Variants in ACSS3 observed in about 807,000 individuals in gnomAD.
ACSS3 encodes the protein acyl-CoA synthetase short chain family member 3, also known as acyl-CoA synthetase short-chain family member 3, mitochondrial.
Under a neutral mutation model 84.2 loss-of-function variants are expected in ACSS3, and 64 were observed. That is an observed-to-expected ratio of 0.76 (90% CI 0.62 to 0.94). The LOEUF (loss-of-function observed/expected upper bound fraction) is 0.94, where lower values mean the gene tolerates loss of function less well. Ranked by LOEUF, ACSS3 falls within the 40% of genes least tolerant of loss-of-function variation. The probability of loss-of-function intolerance (pLI) is 0.00; values close to 1 mark genes in which losing one functional copy is unlikely to be tolerated. For missense variants in ACSS3, 815 were observed against 867.6 expected (o/e 0.94, Z 0.76); for synonymous variants, 317 against 310.1 (o/e 1.02, Z -0.23).
intron 2 of ACSS3, among the ~76,000 whole-genome samples, chr12:81,132,498 G>A (rs868131231): frequency 1.3e-4 from 19 of 151,814 alleles, no homozygotes; most frequent in Middle Eastern, 3.4e-3. Context: ...TTTTTATTGC[G>A]TCTATTTGAT....
At chr12:81,209,297 A>G (rs1404868142) in intron 9 of ACSS3, among the ~76,000 whole-genome samples, 2 of 151,818 alleles carry the variant, frequency 1.3e-5, no homozygotes, top group Non-Finnish European at 1.5e-5. Context: ...TGTTAACTAC[A>G]TGCACTTTTT....
chr12:81,238,276 GT>G (rs56922210), intron 13 of ACSS3, among the ~76,000 whole-genome samples: 27,712 of 151,274 alleles, frequency 0.18, 2,683 homozygotes, highest in Non-Finnish European at 0.22. Context: ...TCTGTCAATA[GT>G]TTTTTTTAAT....
chr12:81,157,546 C>A (rs528825652), intron 7 of ACSS3, among the ~76,000 whole-genome samples: 11 of 152,278 alleles, frequency 7.2e-5, no homozygotes, highest in African/African-American at 2.4e-4. Context: ...CGGTGGCTCA[C>A]GCCTGTAATC....
At chr12:81,149,033 C>T (rs191324355) in intron 5 of ACSS3, among the ~76,000 whole-genome samples, 317 of 151,632 alleles carry the variant, frequency 2.1e-3, no homozygotes, top group African/African-American at 7.3e-3. Context: ...TGAGCAAGAT[C>T]GTGCCACTGC....
chr12:81,137,577 G>A (rs1022980179), intron 3 of ACSS3, among the ~76,000 whole-genome samples: 1 of 152,136 alleles, frequency 6.6e-6, no homozygotes, highest in Non-Finnish European at 1.5e-5. Context: ...GAAGAAGATG[G>A]AAAGGATGTA....
intron 13 of ACSS3, among the ~76,000 whole-genome samples, 181 bp downstream of exon 13, chr12:81,233,652 C>G (rs972146295): frequency 6.6e-6 from 1 of 151,640 alleles, no homozygotes; most frequent in South Asian, 2.1e-4. Context: ...TCCCTACACT[C>G]CCACATCCCT....
intron 10 of ACSS3, among the ~76,000 whole-genome samples, chr12:81,219,411 A>C (rs1011472514): frequency 6.6e-6 from 1 of 152,154 alleles, no homozygotes; most frequent in Non-Finnish European, 1.5e-5. Context: ...TAAAGCCTAA[A>C]AGATGATGAC....
rs947067113 is a variant in ACSS3 at position 81,101,291 on chromosome 12, T to C, written c.312-8269T>C. ...CAGTTAAACCAAAAGCTAAGCAAGC[T>C]AGACCATTAAAATTTATATTTTTTA... On this transcript the variant is annotated intron_variant, in intron 1 of 15. Coordinates refer to ENST00000548058, the MANE Select transcript of ACSS3 (RefSeq NM_024560.4). Among the ~76,000 whole-genome samples the C allele has an allele frequency of 9.8e-5, 15 of 152,302 alleles. No homozygotes were observed. The East Asian group carries it at 2.9e-3, about 29-fold the overall frequency.
chr12:81,224,197 A>G (rs1238774075), intron 11 of ACSS3, among the ~76,000 whole-genome samples: 3 of 151,992 alleles, frequency 2.0e-5, no homozygotes, highest in Non-Finnish European at 4.4e-5. Context: ...AAGGATGAGT[A>G]TAGGTATTAA....
In ACSS3 at chr12:81,220,017, G is replaced by A. The variant is rs989417666; in HGVS notation, c.1455G>A (p.Met485Ile). ...TATTTATATTTTACTTTGTAGTTATGATTTTGGATGACAACATGCAAAAAC... is the reference window on the plus strand; with the variant it reads ...TATTTATATTTTACTTTGTAGTTATAATTTTGGATGACAACATGCAAAAAC... ...AGKSVPGYNV[M>I]ILDDNMQKLK... The change falls in exon 11 of 16, where the codon ATG becomes ATA. Residue 485 changes from methionine (M) to isoleucine (I), a missense_variant. By Grantham distance (10) the Met-to-Ile change is conservative. Transcript: ENST00000548058. The A allele has an allele frequency of 5.9e-6, 9 of 1,529,660 alleles. No individual in the cohort carries two copies. Among genetic ancestry groups the A allele is most frequent in the Non-Finnish European group, 7.9e-6 (9 of 1,137,254 alleles). The allele number at this position is 1,529,660 out of a possible 1,614,324, so 94.8% of individuals were successfully genotyped here. A position where few individuals can be genotyped will look rare whatever the true frequency, so the allele number is the denominator to read the frequency against.
chr12:81,151,437 G>T (rs1040693548), intron 5 of ACSS3, among the ~76,000 whole-genome samples: 1 of 152,086 alleles, frequency 6.6e-6, no homozygotes, highest in African/African-American at 2.4e-5. Flanking sequence ...AGAAATAGAG[G>T]TCCTTATGTT....
chr12:81,213,851 C>CTCTCCTCTCTTCTCT (rs796395158), intron 9 of ACSS3, among the ~76,000 whole-genome samples: 15 of 60,810 alleles, frequency 2.5e-4, no homozygotes, highest in African/African-American at 8.8e-4. Context: ...CTCTCCTCTC[C>CTCTCCTCTCTTCTCT]TCTCTTCTCT....
intron 5 of ACSS3, 180 bp downstream of exon 5, chr12:81,143,427 A>C (rs1886187339): frequency 2.3e-6 from 1 of 444,292 alleles, no homozygotes; most frequent in Admixed American, 4.2e-5. Context: ...CTCACCTGAC[A>C]CAGTTACTCC....
In ACSS3 at chr12:81,259,921, T is replaced by G; in HGVS notation, c.*4999T>G. 6.1e-6 allele frequency: 2 copies of G among 325,582 alleles called. No homozygotes were observed. The highest frequency in any genetic ancestry group is 1.1e-5 in the Non-Finnish European group (2 of 179,722). The allele number at this position is 325,582 out of a possible 1,614,324, so 20.2% of individuals were successfully genotyped here. Reference sequence around the variant, plus strand: ...TGGCAGTAATGTAAACAAAGGTAGTTATGCAAAATGTTAGCATGCCTTCTG... The same window carrying G: ...TGGCAGTAATGTAAACAAAGGTAGTGATGCAAAATGTTAGCATGCCTTCTG... On this transcript the variant is annotated 3_prime_UTR_variant, in exon 16 of 16. Coordinates refer to ENST00000548058, the MANE Select transcript of ACSS3 (RefSeq NM_024560.4).
At chr12:81,236,502 A>G (rs528015763) in intron 13 of ACSS3, among the ~76,000 whole-genome samples, 1 of 151,170 alleles carries the variant, frequency 6.6e-6, no homozygotes, top group African/African-American at 2.4e-5. Flanking sequence ...ATCTATCTGT[A>G]TTATGTTTCA....
chr12:81,108,597 A>T (rs796608390), intron 1 of ACSS3, among the ~76,000 whole-genome samples: 2 of 152,072 alleles, frequency 1.3e-5, no homozygotes, highest in African/African-American at 2.4e-5. Flanking sequence ...TGATTTTTTA[A>T]TGCTGCCACT....
At chr12:81,160,724 T>A (rs757202044) in intron 7 of ACSS3, among the ~76,000 whole-genome samples, 1 of 152,214 alleles carries the variant, frequency 6.6e-6, no homozygotes, top group Non-Finnish European at 1.5e-5. Flanking sequence ...CTTTTCATAG[T>A]TAGGGAATGC....
chr12:81,084,177 G>A (rs916395182), intron 1 of ACSS3, among the ~76,000 whole-genome samples: 20 of 152,094 alleles, frequency 1.3e-4, no homozygotes, highest in Admixed American at 6.5e-5. Flanking sequence ...GCAGTGCCTC[G>A]TAAGGCAGTA....
intron 10 of ACSS3, 21 bp from the exon 11 acceptor site, chr12:81,219,992 T>C (rs200712047): frequency 2.0e-5 from 28 of 1,429,666 alleles, no homozygotes; most frequent in East Asian, 2.5e-5. Context: ...TTTATTCAAA[T>C]ATTTATATTT....
Sources: allele counts gnomAD v4.1 joint callset (sites outside exome capture counted in the v4.1 genomes callset), GRCh38; gene constraint gnomAD v4.1.1; transcripts MANE v1.5; gene names NCBI Gene and HGNC (gene_info 2026-07-23, HGNC 2026-07-21).